Variants in CDC45 observed in about 807,000 individuals in gnomAD.
CDC45 encodes the protein cell division control protein 45 homolog.
A neutral mutation model predicts 77.8 loss-of-function variants in CDC45; 54 were observed. The observed-to-expected ratio is 0.69, with a 90% CI of 0.56 to 0.87. CDC45 has a LOEUF of 0.87. Ranked by LOEUF, CDC45 falls within the 40% of genes least tolerant of loss-of-function variation. The probability of loss-of-function intolerance (pLI) is 0.00; values close to 1 mark genes in which losing one functional copy is unlikely to be tolerated. For missense variants in CDC45, 649 were observed against 721.6 expected, an observed-to-expected ratio of 0.90 and a Z score of 1.15; for synonymous variants, 260 against 272.1, an observed-to-expected ratio of 0.96 and a Z score of 0.44.
rs148644490 is a variant in CDC45 at position 19,486,328 on chromosome 22, C to T, written c.486+2323C>T. On this transcript the variant is annotated intron_variant, in intron 5 of 18. Transcript: ENST00000263201. ...TGTAATATTCAGCCCATATTCAGGT[C>T]TCTTTAATTGTCCTCAAAATATATT... Among the ~76,000 whole-genome samples, 133 of 152,340 alleles carry T rather than the reference C, an allele frequency of 8.7e-4. 1 individual carries two copies. Among genetic ancestry groups the T allele is most frequent in the African/African-American group, 3.2e-3 (131 of 41,574 alleles).
At chr22:19,504,137 A>C (rs752958014) in intron 9 of CDC45, among the ~76,000 whole-genome samples, 93 of 152,324 alleles carry the variant, frequency 6.1e-4, no homozygotes, top group Non-Finnish European at 1.1e-3. Flanking sequence ...TAGGACCAGC[A>C]GGTTTGTATG....
chr22:19,481,653 A>C (rs528404332), intron 3 of CDC45, among the ~76,000 whole-genome samples: 3 of 152,060 alleles, frequency 2.0e-5, no homozygotes, highest in African/African-American at 7.2e-5. Flanking sequence ...GATTACAGGT[A>C]TGAGCCACCA....
At chr22:19,512,225 C>T (rs1933556609) in intron 13 of CDC45, among the ~76,000 whole-genome samples, 1 of 152,212 alleles carries the variant, frequency 6.6e-6, no homozygotes, top group Non-Finnish European at 1.5e-5. Context: ...ACTCCTTGCA[C>T]TCCAGGGAGG....
chr22:19,499,131 G>T lies in CDC45; in HGVS notation c.684G>T (p.Trp228Cys). The T allele has an allele frequency of 6.2e-7, 1 of 1,614,116 alleles. No individual in the cohort carries two copies. Among genetic ancestry groups the T allele is most frequent in the South Asian group, 1.1e-5 (1 of 91,086 alleles). Residue 228 changes from tryptophan to cysteine, a missense_variant, in exon 9 of 19, where the codon TGG becomes TGT. Trp to Cys is a radical substitution (Grantham distance 215). Transcript: ENST00000263201. ...CCATCGTTGGACTAACAGACCAGTG[G>T]GTGCAAGACAAGATCACTCAGTAAG... ...WWAIVGLTDQ[W>C]VQDKITQMKY...
intron 3 of CDC45, among the ~76,000 whole-genome samples, chr22:19,482,060 T>C (rs2089992047): frequency 1.3e-5 from 2 of 152,194 alleles, no homozygotes; most frequent in Admixed American, 1.3e-4. Context: ...CCAGGATTCC[T>C]CCCACCTCTG....
At chr22:19,514,685 C>A in intron 13 of CDC45, 64 bp from the exon 14 acceptor site, 2 of 1,398,638 alleles carry the variant, frequency 1.4e-6, no homozygotes, top group Non-Finnish European at 2.0e-6. Context: ...CTATTTGTGA[C>A]TTTGGTATTT....
intron 10 of CDC45, among the ~76,000 whole-genome samples, chr22:19,505,820 C>CT (rs1227949353): frequency 6.6e-6 from 1 of 152,136 alleles, no homozygotes; most frequent in Non-Finnish European, 1.5e-5. Context: ...CGTGACGTGT[C>CT]TTTTGAGAAG....
intron 10 of CDC45, 96 bp downstream of exon 10, chr22:19,505,577 C>T (rs1601966278): frequency 7.1e-7 from 1 of 1,407,110 alleles, no homozygotes; most frequent in Non-Finnish European, 9.9e-7. Context: ...GCCACATCCC[C>T]AGGAGGGAAA....
chr22:19,481,126 A>T, intron 3 of CDC45, 81 bp downstream of exon 3: 1 of 904,492 alleles, frequency 1.1e-6, no homozygotes. Flanking sequence ...TCCACGATAG[A>T]TTAAGCGTGT....
intron 5 of CDC45, among the ~76,000 whole-genome samples, chr22:19,486,714 G>A (rs1191833206): frequency 7.2e-5 from 11 of 152,028 alleles, no homozygotes; most frequent in South Asian, 2.1e-4. Context: ...ACGGAGTCTC[G>A]CTCTGTCGCC....
intron 13 of CDC45, among the ~76,000 whole-genome samples, chr22:19,509,935 A>G (rs9618592): frequency 0.03 from 4,532 of 152,162 alleles, 235 homozygotes; most frequent in African/African-American, 0.1. Context: ...CCCATTTAAA[A>G]TGTACAATGT....
At chr22:19,516,091 A>G (rs1933770996) in intron 15 of CDC45, among the ~76,000 whole-genome samples, 1 of 151,900 alleles carries the variant, frequency 6.6e-6, no homozygotes, top group South Asian at 2.1e-4. Flanking sequence ...TGCGGTTAAG[A>G]TGAGGGGATG....
At chr22:19,504,775 C>T (rs1307771018) in intron 9 of CDC45, among the ~76,000 whole-genome samples, 1 of 152,090 alleles carries the variant, frequency 6.6e-6, no homozygotes, top group East Asian at 1.9e-4. Context: ...ATACAGGACC[C>T]AAAGGAATAT....
At chr22:19,511,032 T>G (rs556758880) in intron 13 of CDC45, among the ~76,000 whole-genome samples, 30 of 152,330 alleles carry the variant, frequency 2.0e-4, no homozygotes, top group Non-Finnish European at 3.4e-4. Context: ...CTGGGTGACA[T>G]GGTAACACTA....
chr22:19,516,650 G>A lies in CDC45; in HGVS notation c.1559+5G>A. 1 of 1,604,702 alleles carries A rather than the reference G, an allele frequency of 6.2e-7. No homozygotes were observed. Among genetic ancestry groups the A allele is most frequent in the Non-Finnish European group, 8.5e-7 (1 of 1,171,626 alleles). On this transcript the variant is annotated splice_donor_5th_base_variant and intron_variant, in intron 16 of 18. Transcript: ENST00000263201. ...CGACAGCTCGGACAGGAAGAAGTGAGCAGCTTCCACTCGTCCTGGGACTGG... is the reference window on the plus strand; with the variant it reads ...CGACAGCTCGGACAGGAAGAAGTGAACAGCTTCCACTCGTCCTGGGACTGG...
At chr22:19,510,729 G>A (rs149201826) in intron 13 of CDC45, among the ~76,000 whole-genome samples, 133 of 152,216 alleles carry the variant, frequency 8.7e-4, no homozygotes, top group African/African-American at 2.2e-3. Flanking sequence ...GGGTTTCACC[G>A]TGTTGTTCAG....
chr22:19,485,099 G>C (rs1448607569), intron 5 of CDC45, among the ~76,000 whole-genome samples: 2 of 152,032 alleles, frequency 1.3e-5, no homozygotes, highest in Non-Finnish European at 2.9e-5. Flanking sequence ...TTTGGTTTGT[G>C]AGGGGTCCTT....
At chr22:19,486,877 C>G (rs202127565) in intron 5 of CDC45, among the ~76,000 whole-genome samples, 2 of 152,058 alleles carry the variant, frequency 1.3e-5, no homozygotes, top group Non-Finnish European at 2.9e-5. Flanking sequence ...GGGGTTTCAC[C>G]GTGTTAGCCA....
intron 13 of CDC45, among the ~76,000 whole-genome samples, chr22:19,508,947 C>G (rs550520461): frequency 6.6e-6 from 1 of 151,684 alleles, no homozygotes; most frequent in South Asian, 2.1e-4. Context: ...CTTTTTTTAC[C>G]TTTTGTATCT....
Sources: allele counts gnomAD v4.1 joint callset (sites outside exome capture counted in the v4.1 genomes callset), GRCh38; gene constraint gnomAD v4.1.1; transcripts MANE v1.5; gene names NCBI Gene and HGNC (gene_info 2026-07-23, HGNC 2026-07-21).